Variants in ZNF230 observed in about 807,000 individuals in gnomAD.
The protein encoded by ZNF230 is zinc finger protein 230.
ZNF230 carries 12 observed loss-of-function variants against 10.0 expected under a neutral mutation model. That is an observed-to-expected ratio of 1.20 (90% CI 0.77 to 1.95). ZNF230 has a LOEUF of 1.95. Among genes scored for constraint, ZNF230 ranks in the 30% most tolerant of loss-of-function variants. The pLI is 0.00. For synonymous variants in ZNF230, 174 were observed against 193.6 expected, an observed-to-expected ratio of 0.90 and a Z score of 0.84; for missense variants, 532 against 565.8, an observed-to-expected ratio of 0.94 and a Z score of 0.61.
At chr19:44,007,399 A>T (rs992079036) in intron 2 of ZNF230, among the ~76,000 whole-genome samples, 2 of 152,118 alleles carry the variant, frequency 1.3e-5, no homozygotes, top group Non-Finnish European at 1.5e-5. Flanking sequence ...TTGTACATTC[A>T]TAACTGTATT....
In ZNF230 at chr19:44,009,086, C is replaced by T. The variant is rs995043630; in HGVS notation, c.145C>T (p.His49Tyr). The change falls in exon 4 of 5, where the codon CAT becomes TAT. Residue 49 changes from histidine to tyrosine, a missense_variant and splice_region_variant. Transcript: ENST00000429154. The stretch of plus-strand genomic sequence containing the variant: ...CACATGACTTTGCATGTTCACAGGG[C>T]ATCAACCATTCCACCCTTTCCACTT... ...ENFTNLLSVG[H>Y]QPFHPFHFLR... 1.2e-6 allele frequency: 2 copies of T among 1,614,080 alleles called. No homozygotes were observed. Among genetic ancestry groups the T allele is most frequent in the African/African-American group, 2.7e-5 (2 of 75,034 alleles).
Position 44,011,355 on chromosome 19 carries a change from A to G in ZNF230, c.1316A>G (p.Gln439Arg). ...CACCGGTCTTTCTGTAAAGACCAACAAGGAGACCACAATGGAGAAAACTCA... is the reference window on the plus strand; with the variant it reads ...CACCGGTCTTTCTGTAAAGACCAACGAGGAGACCACAATGGAGAAAACTCA... ...LVHRSFCKDQ[Q>R]GDHNGENSSK... Residue 439 changes from glutamine to arginine, a missense_variant, in exon 5 of 5, where the codon CAA becomes CGA. By Grantham distance (43) the Gln-to-Arg change is conservative (BLOSUM62 1). Coordinates refer to ENST00000429154, the MANE Select transcript of ZNF230 (RefSeq NM_006300.4). 1 of 1,614,068 alleles carries G rather than the reference A, an allele frequency of 6.2e-7. No individual in the cohort carries two copies. Among genetic ancestry groups the G allele is most frequent in the South Asian group, 1.1e-5 (1 of 91,076 alleles).
chr19:44,007,529 A>T (rs1439111944), intron 2 of ZNF230, among the ~76,000 whole-genome samples: 1 of 152,080 alleles, frequency 6.6e-6, no homozygotes, highest in African/African-American at 2.4e-5. Context: ...GGAGGCCCAC[A>T]TTGCGCATGT....
At chr19:44,008,948 C>T in intron 3 of ZNF230, 32 bp downstream of exon 3, 1 of 1,611,130 alleles carries the variant, frequency 6.2e-7, no homozygotes, top group Non-Finnish European at 8.5e-7. Context: ...AATGGTACAT[C>T]AGGCCTCAGG....
intron 1 of ZNF230, chr19:44,003,645 C>A: frequency 5.0e-6 from 1 of 201,804 alleles, no homozygotes; most frequent in Non-Finnish European, 1.1e-5. Context: ...TGGGGGACCG[C>A]GATGCAGTCA....
In ZNF230 at chr19:44,013,816, A is replaced by G. The variant is rs1255638731; in HGVS notation, c.*2352A>G. On this transcript the variant is annotated 3_prime_UTR_variant, in exon 5 of 5. Transcript: ENST00000429154. ...TATGCATTTTTTCTCAGTGAACATC[A>G]GTTTTATCAAAGCAGTAAATTTAGT... The G allele has an allele frequency of 6.6e-6, 1 of 152,186 alleles. No individual in the cohort carries two copies. The highest frequency in any genetic ancestry group is 6.5e-5 in the Admixed American group (1 of 15,284). The allele number at this position is 152,186 out of a possible 1,614,324, so 9.4% of individuals were successfully genotyped here.
intron 2 of ZNF230, 46 bp downstream of exon 2, chr19:44,007,139 C>T: frequency 1.3e-6 from 2 of 1,580,418 alleles, no homozygotes; most frequent in Non-Finnish European, 1.7e-6. Flanking sequence ...CATCTTATTG[C>T]TCATATTGTC....
At chr19:44,010,194 T>C in intron 4 of ZNF230, 75 bp from the exon 5 acceptor site, 5 of 1,359,222 alleles carry the variant, frequency 3.7e-6, no homozygotes, top group Admixed American at 4.8e-5. Flanking sequence ...GAATGCCATA[T>C]CCTAAGTGTG....
intron 2 of ZNF230, 42 bp downstream of exon 2, chr19:44,007,135 A>G (rs777975491): frequency 6.3e-7 from 1 of 1,585,204 alleles, no homozygotes; most frequent in Admixed American, 1.7e-5. Flanking sequence ...ATTCCATCTT[A>G]TTGCTCATAT....
rs1440418009 is a variant in ZNF230 at position 44,011,347 on chromosome 19, A to T, written c.1308A>T (p.Lys436Asn). 1.2e-6 allele frequency: 2 copies of T among 1,613,938 alleles called. No homozygotes were observed. The highest frequency in any genetic ancestry group is 1.7e-6 in the Non-Finnish European group (2 of 1,179,938). The change falls in exon 5 of 5, where the codon AAA becomes AAT. Residue 436 changes from lysine to asparagine, a missense_variant. Transcript: ENST00000429154. ...GKRLVHRSFC[K>N]DQQGDHNGEN... ...GGCTTGTACACCGGTCTTTCTGTAAAGACCAACAAGGAGACCACAATGGAG... is the reference window on the plus strand; with the variant it reads ...GGCTTGTACACCGGTCTTTCTGTAATGACCAACAAGGAGACCACAATGGAG...
chr19:44,008,873 C>T lies in ZNF230; in HGVS notation c.99C>T (p.Tyr33=), dbSNP rs1568497426. 6.2e-7 allele frequency: 1 copy of T among 1,614,122 alleles called. No homozygotes were observed. The highest frequency in any genetic ancestry group is 1.7e-5 in the Admixed American group (1 of 60,018). Residue 33 remains tyrosine (Y), a synonymous_variant, in exon 3 of 5, where the codon TAC becomes TAT. Transcript: ENST00000429154. ...GLLDPAQRKL[Y]QDVMLENFTN... Reference sequence around the variant, plus strand: ...TGGACCCTGCCCAGAGGAAGCTGTACCAAGACGTGATGCTTGAGAACTTCA... The same window carrying T: ...TGGACCCTGCCCAGAGGAAGCTGTATCAAGACGTGATGCTTGAGAACTTCA...
In ZNF230 at chr19:44,007,769, A is replaced by T. The variant is rs550934608; in HGVS notation, c.15+676A>T. Among the ~76,000 whole-genome samples the T allele has an allele frequency of 3.2e-4, 49 of 152,258 alleles. No homozygotes were observed. In the South Asian group the frequency reaches 7.5e-3, roughly 23 times the overall value. On this transcript the variant is annotated intron_variant, in intron 2 of 4. Transcript: ENST00000429154. ...TATCATTCTGTCTTCTTTATAAATC[A>T]TCAAGCTGCTGTCCAGCCTGCGCCC...
In ZNF230 at chr19:44,012,050, T is replaced by C. The variant is rs1012980344; in HGVS notation, c.*586T>C. 4.4e-6 allele frequency: 1 copy of C among 229,636 alleles called. No homozygotes were observed. Among genetic ancestry groups the C allele is most frequent in the Non-Finnish European group, 8.7e-6 (1 of 115,102 alleles). 14.2% of individuals were successfully genotyped at this position (229,636 alleles called of 1,614,324 possible). A position where few individuals can be genotyped will look rare whatever the true frequency, so the allele number is the denominator to read the frequency against. ...GCTCCAATGAACATGGTAGTGTAGA[T>C]ATCTGATCCACATACTGATTTCCTT... On this transcript the variant is annotated 3_prime_UTR_variant, in exon 5 of 5. Coordinates refer to ENST00000429154, the MANE Select transcript of ZNF230 (RefSeq NM_006300.4).
chr19:44,011,010 A>G lies in ZNF230; in HGVS notation c.971A>G (p.His324Arg), dbSNP rs765372088. 6.8e-6 allele frequency: 11 copies of G among 1,614,130 alleles called. No homozygotes were observed. Among genetic ancestry groups the G allele is most frequent in the Non-Finnish European group, 9.3e-6 (11 of 1,180,038 alleles). The change falls in exon 5 of 5, where the codon CAT (histidine) becomes CGT (arginine). Residue 324 changes from histidine (H) to arginine (R), a missense_variant. By Grantham distance (29) the His-to-Arg change is conservative (BLOSUM62 0). Coordinates refer to ENST00000429154, the MANE Select transcript of ZNF230 (RefSeq NM_006300.4). ...GGCTTCACTGATAGCCTAGATTTGC[A>G]TAAGCATCAGATAATTCACACAGGA... ...GKGFTDSLDLHKHQIIHTGQK... is the reference protein window; with the variant it reads ...GKGFTDSLDLRKHQIIHTGQK...
At position 44,007,007 on chromosome 19, in the gene ZNF230, C is replaced by A; in HGVS notation, c.-68-4C>A. The A allele has an allele frequency of 7.3e-7, 1 of 1,365,966 alleles. No individual in the cohort carries two copies. The highest frequency in any genetic ancestry group is 1.0e-6 in the Non-Finnish European group (1 of 967,020). 84.6% of individuals were successfully genotyped at this position (1,365,966 alleles called of 1,614,324 possible). On this transcript the variant is annotated splice_region_variant and splice_polypyrimidine_tract_variant and intron_variant, in intron 1 of 4. Transcript: ENST00000429154. ...TCTCTTTTGCTGTCTCTGGCATTTT[C>A]CAGGCACAATTCCACCTTCCTTTGT...
In ZNF230 at chr19:44,010,453, A is replaced by G; in HGVS notation, c.414A>G (p.Lys138=). The G allele has an allele frequency of 6.2e-7, 1 of 1,614,250 alleles. No individual in the cohort carries two copies. Among genetic ancestry groups the G allele is most frequent in the Non-Finnish European group, 8.5e-7 (1 of 1,180,038 alleles). Residue 138 remains lysine, a synonymous_variant, in exon 5 of 5, where the codon AAA becomes AAG. Coordinates refer to ENST00000429154, the MANE Select transcript of ZNF230 (RefSeq NM_006300.4). ...AGLSIIHTGQ[K]PSQNGKCKQS... is the part of the protein sequence containing the mutation. ...TATCTATAATTCATACAGGACAGAA[A>G]CCTTCACAGAATGGGAAGTGTAAAC...
Position 44,011,471 on chromosome 19 carries a change from C to T in ZNF230, c.*7C>T, listed in dbSNP as rs756463917. On this transcript the variant is annotated 3_prime_UTR_variant, in exon 5 of 5. Coordinates refer to ENST00000429154, the MANE Select transcript of ZNF230 (RefSeq NM_006300.4). Reference sequence around the variant, plus strand: ...ATTTTTAAATGATATGTAAGTTGTACATATATATGGGATATGGTATGAAAT... The same window carrying T: ...ATTTTTAAATGATATGTAAGTTGTATATATATATGGGATATGGTATGAAAT... 1.3e-5 allele frequency: 20 copies of T among 1,569,600 alleles called. No homozygotes were observed. The highest frequency in any genetic ancestry group is 1.6e-5 in the Non-Finnish European group (19 of 1,160,462).
intron 2 of ZNF230, 49 bp from the exon 3 acceptor site, chr19:44,008,741 C>A (rs890340693): frequency 1.9e-6 from 3 of 1,599,450 alleles, no homozygotes; most frequent in African/African-American, 1.3e-5. Context: ...GCTCCTCCCC[C>A]AGTAGTCCAT....
chr19:44,009,226 A>G, intron 4 of ZNF230, 56 bp downstream of exon 4: 3 of 1,573,624 alleles, frequency 1.9e-6, no homozygotes, highest in Middle Eastern at 1.7e-4. Context: ...CATTTGTTTT[A>G]CTTCTGACCA....
Sources: gnomAD v4.1 joint callset for allele counts (sites outside exome capture counted in the v4.1 genomes callset) on GRCh38, gnomAD v4.1.1 for gene constraint, MANE v1.5 for transcripts, NCBI Gene and HGNC (gene_info 2026-07-23, HGNC 2026-07-21) for gene names.